The following AGAP1 variants were observed in gnomAD, a reference collection of about 807,000 sequenced individuals.
AGAP1 encodes ArfGAP with GTPase domain, ankyrin repeat and PH domain 1.
A neutral mutation model predicts 105.3 loss-of-function variants in AGAP1; 29 were observed. The observed-to-expected ratio is 0.28, with a 90% CI of 0.21 to 0.38. The LOEUF (loss-of-function observed/expected upper bound fraction) is 0.38. Among genes scored for constraint, AGAP1 ranks in the 10% least tolerant of loss-of-function variants. The pLI, the probability that AGAP1 is intolerant of heterozygous loss-of-function variation, is 1.00. For missense variants in AGAP1, 998 were observed against 1,165.1 expected, an observed-to-expected ratio of 0.86 and a Z score of 2.09; for synonymous variants, 509 against 485.9, an observed-to-expected ratio of 1.05 and a Z score of -0.63.
intron 8 of AGAP1, among the ~76,000 whole-genome samples, chr2:235,803,174 G>GGTT (rs200338986): frequency 7.1e-6 from 1 of 141,226 alleles, no homozygotes. Context: ...TTGTGGTTGT[G>GGTT]GTGATGGTGA....
chr2:235,847,283 ATCTTTTTCATGTATGGCCAT>A (rs552526380), intron 9 of AGAP1, among the ~76,000 whole-genome samples: 320 of 152,332 alleles, frequency 2.1e-3, no homozygotes, highest in African/African-American at 7.3e-3. Flanking sequence ...AAAAACGGCC[ATCTTTTTCATGTATGGCCAT>A]TCTGGCTTTT....
At chr2:235,806,783 T>A (rs757485498) in intron 8 of AGAP1, among the ~76,000 whole-genome samples, 2 of 152,206 alleles carry the variant, frequency 1.3e-5, no homozygotes, top group Non-Finnish European at 2.9e-5. Flanking sequence ...AGTGTGCCGT[T>A]AAATCGCACA....
chr2:235,602,907 G>C (rs1429391202), intron 1 of AGAP1, among the ~76,000 whole-genome samples: 1 of 152,070 alleles, frequency 6.6e-6, no homozygotes, highest in Non-Finnish European at 1.5e-5. Context: ...TTACCATATT[G>C]GTCAGGCAGG....
At chr2:235,997,521 G>C (rs1385002040) in intron 13 of AGAP1, among the ~76,000 whole-genome samples, 1 of 152,140 alleles carries the variant, frequency 6.6e-6, no homozygotes, top group Non-Finnish European at 1.5e-5. Flanking sequence ...ATACATTTTT[G>C]TGAGGCCTGG....
At chr2:235,922,309 G>C (rs529733124) in intron 11 of AGAP1, among the ~76,000 whole-genome samples, 25 of 152,328 alleles carry the variant, frequency 1.6e-4, no homozygotes, top group East Asian at 1.2e-3. Context: ...CAATTCTGCA[G>C]TGGGAATAAA....
chr2:235,709,375 C>T (rs2149511856), intron 2 of AGAP1, 138 bp downstream of exon 2: 2 of 1,001,290 alleles, frequency 2.0e-6, no homozygotes, highest in East Asian at 2.4e-5. Flanking sequence ...CTGGGAAGGG[C>T]CAGGTATAGT....
Position 235,723,589 on chromosome 2 carries a change from A to G in AGAP1, c.310+5945A>G, listed in dbSNP as rs1951496223. On this transcript the variant is annotated intron_variant, in intron 3 of 17. Coordinates refer to ENST00000304032, the MANE Select transcript of AGAP1 (RefSeq NM_001037131.3). This position sits in a 1 kb window ranked among gnomAD's most constrained non-coding sequence, Gnocchi z 6.2. ...CATGGCATCACAGGCACCCTGGGCCATGGGCCCTCCCGAGCTGTGCAGGTT... is the reference window on the plus strand; with the variant it reads ...CATGGCATCACAGGCACCCTGGGCCGTGGGCCCTCCCGAGCTGTGCAGGTT... Among the ~76,000 whole-genome samples, 1 of 152,178 alleles carries G rather than the reference A, an allele frequency of 6.6e-6. No homozygotes were observed. Among genetic ancestry groups the G allele is most frequent in the Non-Finnish European group, 1.5e-5 (1 of 68,024 alleles).
rs1273967033 is a variant in AGAP1 at position 235,987,466 on chromosome 2, A to AT, written c.1645+18850dup. Among the ~76,000 whole-genome samples, 92 of 125,472 alleles carry AT rather than the reference A, an allele frequency of 7.3e-4. 1 individual carries two copies. The highest frequency in any genetic ancestry group is 4.8e-3 in the Middle Eastern group (1 of 208). 82.3% of individuals were successfully genotyped at this position (125,472 alleles called of 152,430 possible). A position where few individuals can be genotyped will look rare whatever the true frequency, so the allele number is the denominator to read the frequency against. ...AAAAAAACAGCTACTGGATTCATTG[A>AT]TTTTTTTCCCCCCCAAAAAACCAGC... On this transcript the variant is annotated intron_variant, in intron 13 of 17. Transcript: ENST00000304032.
At chr2:235,565,274 G>A (rs1009518688) in intron 1 of AGAP1, among the ~76,000 whole-genome samples, 3 of 152,250 alleles carry the variant, frequency 2.0e-5, no homozygotes, top group Non-Finnish European at 4.4e-5. Flanking sequence ...GCAGGGCCAG[G>A]TATGAGCCAG....
intron 16 of AGAP1, among the ~76,000 whole-genome samples, chr2:236,116,019 G>C (rs1275490431): frequency 2.0e-5 from 3 of 152,154 alleles, no homozygotes; most frequent in Non-Finnish European, 2.9e-5. Context: ...TGGCCAGGCT[G>C]GTCTCAAACT....
In AGAP1 at chr2:235,599,873, C is replaced by A. The variant is rs1022914492; in HGVS notation, c.163+105024C>A. On this transcript the variant is annotated intron_variant, in intron 1 of 17. Coordinates refer to ENST00000304032, the MANE Select transcript of AGAP1 (RefSeq NM_001037131.3). The surrounding 1 kb of genome is among the most constrained non-coding windows in gnomAD (Gnocchi z 5.3). ...CTGGTGGAGGCAATGCTGGTACCCA[C>A]GACGTGGAGCCCTGAAGGATGAGGA... is the stretch of plus-strand genomic sequence containing the variant. Among the ~76,000 whole-genome samples the A allele has an allele frequency of 6.6e-6, 1 of 152,174 alleles. No homozygotes were observed. The highest frequency in any genetic ancestry group is 6.5e-5 in the Admixed American group (1 of 15,274).
intron 6 of AGAP1, among the ~76,000 whole-genome samples, chr2:235,759,634 C>T (rs942466125): frequency 1.3e-5 from 2 of 152,136 alleles, no homozygotes; most frequent in South Asian, 4.1e-4. Flanking sequence ...GGTGGGGGCG[C>T]ACATGTGAGG....
intron 6 of AGAP1, among the ~76,000 whole-genome samples, chr2:235,766,794 T>A (rs1350501683): frequency 6.6e-6 from 1 of 152,088 alleles, no homozygotes; most frequent in East Asian, 1.9e-4. Flanking sequence ...CAGGCTAGAG[T>A]GCAGTGGTAA....
intron 13 of AGAP1, among the ~76,000 whole-genome samples, chr2:236,010,907 C>T (rs750096629): frequency 6.6e-5 from 10 of 152,038 alleles, no homozygotes; most frequent in Non-Finnish European, 1.2e-4. Context: ...ATTAGTCGGG[C>T]GTGGTGGCGG....
At chr2:235,802,173 C>A (rs80139854) in intron 8 of AGAP1, among the ~76,000 whole-genome samples, 1 of 152,088 alleles carries the variant, frequency 6.6e-6, no homozygotes, top group Non-Finnish European at 1.5e-5. Context: ...CAAGGGAAAG[C>A]GATTTAGGGT....
rs1005549875 is a variant in AGAP1, at chr2:235,574,843, C to T, written c.163+79994C>T. Among the ~76,000 whole-genome samples the T allele has an allele frequency of 6.6e-6, 1 of 152,156 alleles. No individual in the cohort carries two copies. The highest frequency in any genetic ancestry group is 1.5e-5 in the Non-Finnish European group (1 of 68,022). On this transcript the variant is annotated intron_variant, in intron 1 of 17. Transcript: ENST00000304032. The surrounding 1 kb of genome is among the most constrained non-coding windows in gnomAD (Gnocchi z 5.0). ...GTTTAGAATCTAAACTTTGTTGAGG[C>T]TGGGCGCAGTGGAGCACGCGTGTAA...
At chr2:235,817,417 T>C (rs72983080) in intron 9 of AGAP1, among the ~76,000 whole-genome samples, 35,929 of 151,802 alleles carry the variant, frequency 0.24, 5,259 homozygotes, top group Admixed American at 0.4. Context: ...TTTTATCAGA[T>C]AGTTTTGAGT....
At chr2:235,589,799 G>A (rs1203268937) in intron 1 of AGAP1, among the ~76,000 whole-genome samples, 3 of 152,048 alleles carry the variant, frequency 2.0e-5, no homozygotes, top group Non-Finnish European at 2.9e-5. Context: ...TCTGAGTTGG[G>A]GTAGCCAGAA....
chr2:236,126,345 C>T lies in AGAP1; in HGVS notation c.*2223C>T, dbSNP rs1340367617. 1.3e-5 allele frequency: 2 copies of T among 152,336 alleles called. No homozygotes were observed. The allele number at this position is 152,336 out of a possible 1,614,324, so 9.4% of individuals were successfully genotyped here. A position where few individuals can be genotyped will look rare whatever the true frequency, so the allele number is the denominator to read the frequency against. On this transcript the variant is annotated 3_prime_UTR_variant, in exon 18 of 18. Coordinates refer to ENST00000304032, the MANE Select transcript of AGAP1 (RefSeq NM_001037131.3). ...GTCCACTAGACACACTCGCTCCACACAGCCTTCACCGTAGACTCTGTAGTG... is the reference window on the plus strand; with the variant it reads ...GTCCACTAGACACACTCGCTCCACATAGCCTTCACCGTAGACTCTGTAGTG...
Sources: gnomAD v4.1 joint callset for allele counts (sites outside exome capture counted in the v4.1 genomes callset) on GRCh38, gnomAD v4.1.1 for gene constraint, Gnocchi (gnomAD v3.1) non-coding constraint, MANE v1.5 for transcripts, NCBI Gene and HGNC (gene_info 2026-07-23, HGNC 2026-07-21) for gene names.